DIAPH1: variants seen among roughly 807,000 people sequenced by gnomAD.
DIAPH1 encodes the protein protein diaphanous homolog 1.
In DIAPH1, 46 loss-of-function variants were observed where a neutral mutation model predicts 140.7. The observed-to-expected ratio is 0.33, with a 90% confidence interval of 0.26 to 0.42. The LOEUF (loss-of-function observed/expected upper bound fraction) is 0.42, where lower values mean the gene tolerates loss of function less well. Ranked by LOEUF, DIAPH1 falls within the 10% of genes least tolerant of loss-of-function variation. DIAPH1 has a pLI of 1.00. For missense variants in DIAPH1, 1,310 were observed against 1,558.7 expected (o/e 0.84, Z 2.69); for synonymous variants, 565 against 551.6 (o/e 1.02, Z -0.34).
rs190732936 is a variant in DIAPH1 at position 141,610,290 on chromosome 5, C to T, written c.117+8508G>A. 2.5e-3 allele frequency among the ~76,000 whole-genome samples: 387 copies of T among 152,154 alleles called. 3 individuals are homozygous for T. The highest frequency in any genetic ancestry group is 8.9e-3 in the African/African-American group (370 of 41,518). The stretch of plus-strand genomic sequence containing the variant: ...AGGATTACAGGCACCCACCACCACA[C>T]CCGGCTAATTTTTTTGTTTTGTTTT... On this transcript the variant is annotated intron_variant, in intron 1 of 27. Coordinates refer to ENST00000389054, the MANE Select transcript of DIAPH1 (RefSeq NM_005219.5).
At chr5:141,559,448 A>T (rs2099893180) in intron 18 of DIAPH1, among the ~76,000 whole-genome samples, 1 of 152,194 alleles carries the variant, frequency 6.6e-6, no homozygotes, top group African/African-American at 2.4e-5. Context: ...GGGACAGGGC[A>T]AACTGGCATT....
intron 18 of DIAPH1, among the ~76,000 whole-genome samples, chr5:141,569,058 A>G (rs2099894781): frequency 6.6e-6 from 1 of 151,788 alleles, no homozygotes; most frequent in East Asian, 1.9e-4. Context: ...TTTTCTACTC[A>G]GTCACTGCCA....
rs1340027946 is a variant in DIAPH1 at position 141,529,670 on chromosome 5, G to C, written c.2609C>G (p.Pro870Arg). 6.2e-7 allele frequency: 1 copy of C among 1,614,078 alleles called. No homozygotes were observed. Among genetic ancestry groups the C allele is most frequent in the Non-Finnish European group, 8.5e-7 (1 of 1,179,994 alleles). The change falls in exon 20 of 28, where the codon CCC (proline) becomes CGC (arginine). Residue 870 changes from proline to arginine, a missense_variant. By Grantham distance (103) the Pro-to-Arg change is moderately radical. Coordinates refer to ENST00000389054, the MANE Select transcript of DIAPH1 (RefSeq NM_005219.5). The part of the protein sequence containing the change: ...LSIFLGSFRM[P>R]YQEIKNVILE... ...GATGACATTCTTAATCTCTTGATAGGGCATGCGGAAGGAACCCAAAAAGAT... is the reference window on the plus strand; with the variant it reads ...GATGACATTCTTAATCTCTTGATAGCGCATGCGGAAGGAACCCAAAAAGAT...
intron 18 of DIAPH1, among the ~76,000 whole-genome samples, chr5:141,543,076 C>CAA (rs537180742): frequency 1.4e-4 from 15 of 104,108 alleles, no homozygotes; most frequent in South Asian, 2.9e-4. Context: ...AGTTTAGTTA[C>CAA]AAAAAAAAAA....
chr5:141,515,590 G>A lies in DIAPH1; in HGVS notation c.*1261C>T, dbSNP rs2099885559. On this transcript the variant is annotated 3_prime_UTR_variant, in exon 28 of 28. Transcript: ENST00000389054. Reference sequence around the variant, plus strand: ...TTTTAGAAGAGAGCTGGGGTACAGTGTATGAAGGCACTCCTGGTGCCCAGT... The same window carrying A: ...TTTTAGAAGAGAGCTGGGGTACAGTATATGAAGGCACTCCTGGTGCCCAGT... 2 of 152,256 alleles carry A rather than the reference G, an allele frequency of 1.3e-5. No homozygotes were observed. The highest frequency in any genetic ancestry group is 4.8e-5 in the African/African-American group (2 of 41,458). The allele number at this position is 152,256 out of a possible 1,614,324, so 9.4% of individuals were successfully genotyped here.
At position 141,617,261 on chromosome 5, in the gene DIAPH1, A is replaced by G. The variant is rs1357487013; in HGVS notation, c.117+1537T>C. Among the ~76,000 whole-genome samples, 3 of 148,622 alleles carry G rather than the reference A, an allele frequency of 2.0e-5. No individual in the cohort carries two copies. The East Asian group carries it at 6.4e-4, about 32-fold the overall frequency. On this transcript the variant is annotated intron_variant, in intron 1 of 27. Transcript: ENST00000389054. ...AAAAATGCTGCTTTAGTCACCAAAGAAGGAGGGGGTGTCAATACCCTTAAC... is the reference window on the plus strand; with the variant it reads ...AAAAATGCTGCTTTAGTCACCAAAGGAGGAGGGGGTGTCAATACCCTTAAC...
chr5:141,535,431 T>A (rs2099888861), intron 18 of DIAPH1, among the ~76,000 whole-genome samples: 1 of 152,230 alleles, frequency 6.6e-6, no homozygotes, highest in African/African-American at 2.4e-5. Context: ...TTTGATAAAC[T>A]TATTTTCATG....
chr5:141,587,323 ACT>A (rs945592106), intron 2 of DIAPH1, 126 bp from the exon 3 acceptor site: 5 of 911,596 alleles, frequency 5.5e-6, no homozygotes, highest in Non-Finnish European at 8.6e-6. Context: ...GCAGTTCAAG[ACT>A]CTTCTGACAT....
chr5:141,569,483 C>T (rs1470967412), intron 18 of DIAPH1, among the ~76,000 whole-genome samples: 2 of 152,130 alleles, frequency 1.3e-5, no homozygotes. Context: ...GTAAGGATGG[C>T]CGGGCACAGT....
chr5:141,543,655 G>A (rs1013256172), intron 18 of DIAPH1, among the ~76,000 whole-genome samples: 4 of 152,186 alleles, frequency 2.6e-5, no homozygotes, highest in Admixed American at 1.3e-4. Context: ...TCCCGAGCAT[G>A]TTTAAGGTAG....
chr5:141,596,581 T>G (rs955061246), intron 1 of DIAPH1, among the ~76,000 whole-genome samples: 2 of 152,128 alleles, frequency 1.3e-5, no homozygotes, highest in Non-Finnish European at 2.9e-5. Context: ...TATAAAAAAG[T>G]AAAATATTTC....
At position 141,536,591 on chromosome 5, in the gene DIAPH1, A is replaced by C. The variant is rs967822556; in HGVS notation, c.2483-2158T>G. On this transcript the variant is annotated intron_variant, in intron 18 of 27. Coordinates refer to ENST00000389054, the MANE Select transcript of DIAPH1 (RefSeq NM_005219.5). ...AACAGGGAAAAGGATGGGGGATTTG[A>C]TGACGGGGGCAGTTTACAATTTTAG... 2.6e-5 allele frequency among the ~76,000 whole-genome samples: 4 copies of C among 152,104 alleles called. No homozygotes were observed. The South Asian group carries it at 8.3e-4, about 31-fold the overall frequency.
rs748520819 is a variant in DIAPH1, at chr5:141,526,466, A to T, written c.3274-5T>A. On this transcript the variant is annotated splice_region_variant and splice_polypyrimidine_tract_variant and intron_variant, in intron 24 of 27. Coordinates refer to ENST00000389054, the MANE Select transcript of DIAPH1 (RefSeq NM_005219.5). ...CTGTGCATCCTTCACAAAGCTGTGC[A>T]GCCAAGGAGTAAAGGACCAAGACCA... The T allele has an allele frequency of 3.1e-6, 5 of 1,614,040 alleles. No homozygotes were observed. Among genetic ancestry groups the T allele is most frequent in the African/African-American group, 1.3e-5 (1 of 74,906 alleles).
chr5:141,618,482 G>A, intron 1 of DIAPH1: 1 of 269,600 alleles, frequency 3.7e-6, no homozygotes, highest in Non-Finnish European at 7.1e-6. Flanking sequence ...GGAGGAAGAA[G>A]AAAGGAAGTG....
In DIAPH1 at chr5:141,516,037, T is replaced by C. The variant is rs371335634; in HGVS notation, c.*814A>G. On this transcript the variant is annotated 3_prime_UTR_variant, in exon 28 of 28. Transcript: ENST00000389054. ...GTTGGGATGGTCACAGTACAACCCA[T>C]AGTCCAGATGAGATGCACCAAAGCT... The C allele has an allele frequency of 1.3e-4, 20 of 152,988 alleles. No individual in the cohort carries two copies. The highest frequency in any genetic ancestry group is 4.8e-4 in the African/African-American group (20 of 41,576). The allele number at this position is 152,988 out of a possible 1,614,324, so 9.5% of individuals were successfully genotyped here.
chr5:141,539,234 C>T (rs1013225606), intron 18 of DIAPH1, among the ~76,000 whole-genome samples: 1 of 151,560 alleles, frequency 6.6e-6, no homozygotes, highest in Non-Finnish European at 1.5e-5. Flanking sequence ...TGGAGATTGC[C>T]CCAGTGCACT....
intron 27 of DIAPH1, among the ~76,000 whole-genome samples, chr5:141,520,747 A>G (rs2099886399): frequency 6.6e-6 from 1 of 152,178 alleles, no homozygotes; most frequent in African/African-American, 2.4e-5. Flanking sequence ...GCTGGAAGGT[A>G]TGAAAGAATA....
rs963932601 is a variant in DIAPH1, at chr5:141,565,436, C to T, written c.2482+5992G>A. Among the ~76,000 whole-genome samples the T allele has an allele frequency of 1.3e-5, 2 of 152,128 alleles. No individual in the cohort carries two copies. The highest frequency in any genetic ancestry group is 2.4e-5 in the African/African-American group (1 of 41,410). On this transcript the variant is annotated intron_variant, in intron 18 of 27. Coordinates refer to ENST00000389054, the MANE Select transcript of DIAPH1 (RefSeq NM_005219.5). This position sits in a 1 kb window ranked among gnomAD's most constrained non-coding sequence, Gnocchi z 4.3. ...ACCACAGTCACTCTGGGGGAGGACA[C>T]CTTTTTACCCTGTATTTCCAGTGTA...
At chr5:141,566,692 C>G (rs1422862524) in intron 18 of DIAPH1, among the ~76,000 whole-genome samples, 1 of 151,986 alleles carries the variant, frequency 6.6e-6, no homozygotes, top group African/African-American at 2.4e-5. Flanking sequence ...GTGAGGAGTT[C>G]GAGAGCAGCC....
Sources: allele counts gnomAD v4.1 joint callset (sites outside exome capture counted in the v4.1 genomes callset), GRCh38; gene constraint gnomAD v4.1.1; non-coding constraint Gnocchi (gnomAD v3.1); transcripts MANE v1.5; gene names NCBI Gene and HGNC (gene_info 2026-07-23, HGNC 2026-07-21).